Variants in ZC3H12C observed in about 807,000 individuals in gnomAD.
ZC3H12C encodes the protein probable ribonuclease ZC3H12C.
Under a neutral mutation model 76.3 loss-of-function variants are expected in ZC3H12C, and 20 were observed. The observed-to-expected ratio is 0.26, with a 90% confidence interval of 0.18 to 0.38. The LOEUF is 0.38. Among genes scored for constraint, ZC3H12C ranks in the 10% least tolerant of loss-of-function variants. ZC3H12C has a pLI of 1.00. For synonymous variants in ZC3H12C, 352 were observed against 399.6 expected (o/e 0.88, Z 1.42); for missense variants, 874 against 1,086.5 (o/e 0.80, Z 2.75).
chr11:110,137,944 A>T lies in ZC3H12C; in HGVS notation c.773+530A>T, dbSNP rs183981642. Among the ~76,000 whole-genome samples the T allele has an allele frequency of 1.4e-4, 21 of 152,240 alleles. No individual in the cohort carries two copies. The East Asian group carries it at 4.0e-3, about 29-fold the overall frequency. On this transcript the variant is annotated intron_variant, in intron 2 of 5. Transcript: ENST00000278590. Reference sequence around the variant, plus strand: ...TTCTTAAGGAACTGGGGGGAAAAAAAAGCAAAACTTTCAGTGATAATTTTT... The same window carrying T: ...TTCTTAAGGAACTGGGGGGAAAAAATAGCAAAACTTTCAGTGATAATTTTT...
rs566963871 is a variant in ZC3H12C, at chr11:110,125,674, C to T, written c.22-10989C>T. ...GGTGTCTGATGTTCTGTCCACCTAG[C>T]ATTTTCCTGCTCTGCTTCTGTTACT... On this transcript the variant is annotated intron_variant, in intron 1 of 5. Coordinates refer to ENST00000278590, the MANE Select transcript of ZC3H12C (RefSeq NM_033390.2). Among the ~76,000 whole-genome samples, 3 of 152,292 alleles carry T rather than the reference C, an allele frequency of 2.0e-5. 1 individual carries two copies. In the South Asian group the frequency reaches 6.2e-4, roughly 32 times the overall value.
chr11:110,153,150 C>A, intron 3 of ZC3H12C, 92 bp downstream of exon 3: 2 of 1,456,934 alleles, frequency 1.4e-6, no homozygotes, highest in Non-Finnish European at 9.2e-7. Context: ...ATCCATTTCA[C>A]TTGCTCAGCG....
At chr11:110,095,611 T>C (rs1295515560) in intron 1 of ZC3H12C, among the ~76,000 whole-genome samples, 1 of 152,222 alleles carries the variant, frequency 6.6e-6, no homozygotes, top group Non-Finnish European at 1.5e-5. Flanking sequence ...AGCTGCTGTG[T>C]AAGGCCCCCG....
At chr11:110,147,920 C>G (rs976341120) in intron 2 of ZC3H12C, among the ~76,000 whole-genome samples, 1 of 152,160 alleles carries the variant, frequency 6.6e-6, no homozygotes, top group Non-Finnish European at 1.5e-5. Context: ...TAGCAATTTT[C>G]CCCCTTCCAA....
At chr11:110,105,561 C>A (rs1390664313) in intron 1 of ZC3H12C, among the ~76,000 whole-genome samples, 1 of 152,248 alleles carries the variant, frequency 6.6e-6, no homozygotes, top group East Asian at 1.9e-4. Context: ...CATTTTATTA[C>A]ATATGTGAAA....
chr11:110,112,206 CA>C (rs906067428), intron 1 of ZC3H12C, among the ~76,000 whole-genome samples: 6 of 152,190 alleles, frequency 3.9e-5, no homozygotes, highest in Admixed American at 3.9e-4. Context: ...GGAACATATA[CA>C]TATATTTTTG....
intron 2 of ZC3H12C, among the ~76,000 whole-genome samples, chr11:110,139,921 T>A (rs964837057): frequency 4.1e-5 from 6 of 145,936 alleles, no homozygotes; most frequent in African/African-American, 1.5e-4. Flanking sequence ...CAGGCTGGAG[T>A]GCAGTGGCAT....
At chr11:110,158,692 A>G (rs1489428334) in intron 3 of ZC3H12C, among the ~76,000 whole-genome samples, 1 of 152,234 alleles carries the variant, frequency 6.6e-6, no homozygotes. Context: ...AGCCATGTTT[A>G]TAACAACACT....
intron 2 of ZC3H12C, among the ~76,000 whole-genome samples, chr11:110,151,164 A>C (rs898502610): frequency 2.6e-5 from 4 of 152,172 alleles, no homozygotes; most frequent in African/African-American, 9.6e-5. Flanking sequence ...TTTATCATCT[A>C]TGGAATCTTT....
intron 1 of ZC3H12C, among the ~76,000 whole-genome samples, chr11:110,134,849 A>G (rs189230135): frequency 2.6e-5 from 4 of 152,160 alleles, no homozygotes; most frequent in African/African-American, 7.2e-5. Context: ...TAGGAGTTCT[A>G]CACTGAAGGA....
chr11:110,138,404 T>C (rs1219646646), intron 2 of ZC3H12C, among the ~76,000 whole-genome samples: 1 of 152,156 alleles, frequency 6.6e-6, no homozygotes, highest in African/African-American at 2.4e-5. Context: ...AAACCATGTA[T>C]GTCATATTAA....
chr11:110,104,363 C>T (rs778109182), intron 1 of ZC3H12C, among the ~76,000 whole-genome samples: 9 of 152,044 alleles, frequency 5.9e-5, no homozygotes, highest in Admixed American at 5.9e-4. Context: ...CGCACCTGGC[C>T]GGAACCAATT....
chr11:110,155,108 T>C (rs556022463), intron 3 of ZC3H12C, among the ~76,000 whole-genome samples: 8 of 152,162 alleles, frequency 5.3e-5, no homozygotes, highest in African/African-American at 1.9e-4. Flanking sequence ...GCCAACATGG[T>C]GAAATCCTGT....
chr11:110,097,741 G>A (rs1188826035), intron 1 of ZC3H12C, among the ~76,000 whole-genome samples: 1 of 152,188 alleles, frequency 6.6e-6, no homozygotes, highest in Non-Finnish European at 1.5e-5. Context: ...ATACAGTCAT[G>A]CACTGCATAA....
chr11:110,152,750 G>C (rs1234962418), intron 2 of ZC3H12C, among the ~76,000 whole-genome samples, 169 bp from the exon 3 acceptor site: 4 of 151,798 alleles, frequency 2.6e-5, no homozygotes, highest in Non-Finnish European at 5.9e-5. Flanking sequence ...CACAGATCTT[G>C]ATTTTCAACT....
intron 2 of ZC3H12C, among the ~76,000 whole-genome samples, chr11:110,139,018 T>G (rs1404269472): frequency 8.5e-5 from 13 of 152,166 alleles, no homozygotes. Context: ...ACCTACCAAG[T>G]CAAGTTCAAA....
chr11:110,104,095 G>A (rs928743686), intron 1 of ZC3H12C, among the ~76,000 whole-genome samples: 2 of 151,360 alleles, frequency 1.3e-5, no homozygotes, highest in African/African-American at 4.9e-5. Context: ...GTGCAGTGGT[G>A]CAATCTTGGG....
At chr11:110,149,049 C>T (rs1334535180) in intron 2 of ZC3H12C, among the ~76,000 whole-genome samples, 2 of 152,186 alleles carry the variant, frequency 1.3e-5, no homozygotes, top group African/African-American at 2.4e-5. Context: ...CAAAACCTCT[C>T]CTAGTGTGAC....
intron 2 of ZC3H12C, among the ~76,000 whole-genome samples, chr11:110,138,320 T>C (rs1324034788): frequency 6.6e-6 from 1 of 152,154 alleles, no homozygotes; most frequent in Non-Finnish European, 1.5e-5. Flanking sequence ...TGATGATGCC[T>C]ACCAGAGAAT....
Sources: allele counts gnomAD v4.1 joint callset (sites outside exome capture counted in the v4.1 genomes callset), GRCh38; gene constraint gnomAD v4.1.1; transcripts MANE v1.5; gene names NCBI Gene and HGNC (gene_info 2026-07-23, HGNC 2026-07-21).